The following PPFIBP1 variants were observed in gnomAD, a reference collection of about 807,000 sequenced individuals.
PPFIBP1 encodes the protein liprin-beta-1.
PPFIBP1 carries 112 observed loss-of-function variants against 137.8 expected under a neutral mutation model. That is an observed-to-expected ratio of 0.81 (90% CI 0.70 to 0.95). PPFIBP1 has a LOEUF of 0.95. Among genes scored for constraint, PPFIBP1 ranks in the 40% least tolerant of loss-of-function variants. The pLI is 0.00. For synonymous variants in PPFIBP1, 378 were observed against 417.3 expected (o/e 0.91, Z 1.15); for missense variants, 1,083 against 1,196.6 (o/e 0.91, Z 1.40).
At chr12:27,663,465 C>A (rs1174153580) in intron 11 of PPFIBP1, among the ~76,000 whole-genome samples, 1 of 151,844 alleles carries the variant, frequency 6.6e-6, no homozygotes, top group Non-Finnish European at 1.5e-5. Context: ...AAATAAAAAT[C>A]GAAGAAAAGA....
intron 24 of PPFIBP1, among the ~76,000 whole-genome samples, chr12:27,683,649 A>G (rs2061015505): frequency 6.6e-6 from 1 of 152,264 alleles, no homozygotes. Context: ...CTAGCCCTCC[A>G]GCCAATGTGT....
At chr12:27,548,048 A>T (rs571446474) in intron 1 of PPFIBP1, 3 of 152,322 alleles carry the variant, frequency 2.0e-5, no homozygotes, top group African/African-American at 7.2e-5. Context: ...GAGGGAAGAG[A>T]TTATAACTGC....
At chr12:27,574,891 T>C (rs2050433353) in intron 1 of PPFIBP1, among the ~76,000 whole-genome samples, 1 of 152,228 alleles carries the variant, frequency 6.6e-6, no homozygotes, top group African/African-American at 2.4e-5. Context: ...AGATTTGTTG[T>C]TTATTTACTA....
chr12:27,583,786 CTG>C (rs1279727868), intron 2 of PPFIBP1, among the ~76,000 whole-genome samples: 1 of 152,202 alleles, frequency 6.6e-6, no homozygotes, highest in African/African-American at 2.4e-5. Flanking sequence ...CTTTGCAAGA[CTG>C]TGAGTAATTC....
chr12:27,597,986 G>A (rs546113164), intron 2 of PPFIBP1, among the ~76,000 whole-genome samples: 129 of 152,010 alleles, frequency 8.5e-4, no homozygotes, highest in African/African-American at 3.0e-3. Context: ...TTGTTTTTTA[G>A]TAGAGACGGG....
intron 9 of PPFIBP1, 63 bp downstream of exon 9, chr12:27,656,793 G>A: frequency 9.0e-7 from 1 of 1,110,326 alleles, no homozygotes; most frequent in Non-Finnish European, 1.4e-6. Flanking sequence ...ATCTGTAAAG[G>A]AAACCAATGA....
intron 1 of PPFIBP1, chr12:27,548,546 A>G (rs1289362492): frequency 6.6e-6 from 1 of 152,242 alleles, no homozygotes; most frequent in Non-Finnish European, 1.5e-5. Context: ...GGTTTGTTGT[A>G]TAAGTGGGAT....
chr12:27,605,953 A>G (rs760867017), intron 2 of PPFIBP1, among the ~76,000 whole-genome samples: 7 of 152,198 alleles, frequency 4.6e-5, no homozygotes, highest in Non-Finnish European at 7.3e-5. Context: ...GTACATTAGA[A>G]TCACCTAAGG....
chr12:27,627,754 C>A, intron 2 of PPFIBP1, among the ~76,000 whole-genome samples: 1 of 152,028 alleles, frequency 6.6e-6, no homozygotes, highest in South Asian at 2.1e-4. Context: ...CCATTCAAAT[C>A]TGCTCTAAAT....
chr12:27,632,710 TA>T (rs1236504318), intron 2 of PPFIBP1, among the ~76,000 whole-genome samples: 2 of 152,138 alleles, frequency 1.3e-5, no homozygotes, highest in Non-Finnish European at 2.9e-5. Context: ...TCCTCATTTA[TA>T]AAATGGAGAT....
intron 1 of PPFIBP1, among the ~76,000 whole-genome samples, chr12:27,560,388 CA>C (rs1379031881): frequency 1.4e-4 from 21 of 152,200 alleles, no homozygotes; most frequent in African/African-American, 5.1e-4. Flanking sequence ...AGGATTCTAT[CA>C]GTTTGGATTT....
chr12:27,645,083 T>C (rs2139420710), intron 4 of PPFIBP1, among the ~76,000 whole-genome samples: 1 of 152,350 alleles, frequency 6.6e-6, no homozygotes, highest in East Asian at 1.9e-4. Flanking sequence ...TTTGTATTTT[T>C]TCTGGTTCTA....
At chr12:27,660,182 A>C (rs1247005885) in intron 10 of PPFIBP1, among the ~76,000 whole-genome samples, 1 of 152,080 alleles carries the variant, frequency 6.6e-6, no homozygotes, top group Non-Finnish European at 1.5e-5. Context: ...ATGAGCCACC[A>C]CACCAGGCCC....
chr12:27,655,446 G>A (rs572187528), intron 8 of PPFIBP1, among the ~76,000 whole-genome samples: 2 of 152,266 alleles, frequency 1.3e-5, no homozygotes, highest in South Asian at 2.1e-4. Flanking sequence ...ATAATAAACA[G>A]GTAAAAAGAA....
At chr12:27,598,946 GAA>G (rs1382314989) in intron 2 of PPFIBP1, among the ~76,000 whole-genome samples, 1 of 152,164 alleles carries the variant, frequency 6.6e-6, no homozygotes, top group Non-Finnish European at 1.5e-5. Context: ...AAAGCTTCTT[GAA>G]GTTTTAGAAA....
In PPFIBP1 at chr12:27,679,601, C is replaced by CA; in HGVS notation, c.1733dup (p.Lys579GlufsTer13). On this transcript the variant is annotated frameshift_variant, in exon 20 of 30. Coordinates refer to ENST00000228425, the MANE Select transcript of PPFIBP1 (RefSeq NM_003622.4). LOFTEE classifies it high-confidence loss of function. ...AGATACCGCCTCCATCTCCAGATTCCAAAAAGAAATCCAGAGGTATCATGA... is the reference window on the plus strand; with the variant it reads ...AGATACCGCCTCCATCTCCAGATTCCAAAAAAGAAATCCAGAGGTATCATGA... 1 of 1,613,622 alleles carries CA rather than the reference C, an allele frequency of 6.2e-7. No individual in the cohort carries two copies. The highest frequency in any genetic ancestry group is 8.5e-7 in the Non-Finnish European group (1 of 1,179,798).
intron 12 of PPFIBP1, among the ~76,000 whole-genome samples, chr12:27,666,487 G>C (rs1035097872): frequency 6.6e-6 from 1 of 152,122 alleles, no homozygotes; most frequent in African/African-American, 2.4e-5. Flanking sequence ...AGCGTGTTAA[G>C]TATCATTTTT....
intron 2 of PPFIBP1, among the ~76,000 whole-genome samples, chr12:27,631,518 T>C (rs370124274): frequency 1.3e-5 from 2 of 152,322 alleles, no homozygotes; most frequent in East Asian, 3.9e-4. Context: ...TGCTACATGA[T>C]ATAGAGATTA....
intron 6 of PPFIBP1, among the ~76,000 whole-genome samples, chr12:27,648,716 A>G (rs567322953): frequency 5.3e-5 from 8 of 152,346 alleles, no homozygotes; most frequent in African/African-American, 1.9e-4. Flanking sequence ...AATGGAACTG[A>G]AGGTCATTAT....
Sources: gnomAD v4.1 joint callset for allele counts (sites outside exome capture counted in the v4.1 genomes callset) on GRCh38, gnomAD v4.1.1 for gene constraint, MANE v1.5 for transcripts, NCBI Gene and HGNC (gene_info 2026-07-23, HGNC 2026-07-21) for gene names.